NOSTRIN: variants seen among roughly 807,000 people sequenced by gnomAD.
NOSTRIN encodes the protein nitric oxide synthase trafficking.
Under a neutral mutation model 59.0 loss-of-function variants are expected in NOSTRIN, and 63 were observed. The observed-to-expected ratio is 1.07, with a 90% CI of 0.87 to 1.32. The LOEUF is 1.32. Among genes scored for constraint, NOSTRIN ranks in the 40% most tolerant of loss-of-function variants. The pLI is 0.00. For missense variants in NOSTRIN, 512 were observed against 473.1 expected (o/e 1.08, Z -0.76); for synonymous variants, 200 against 165.4 (o/e 1.21, Z -1.61).
In NOSTRIN at chr2:168,860,808, G is replaced by A; in HGVS notation, c.1193G>A (p.Ser398Asn). The change falls in exon 14 of 16, where the codon AGC becomes AAC. Residue 398 changes from serine (S) to asparagine (N), a missense_variant. Transcript: ENST00000317647. ...FRWREKEHTH[S>N]YVKISRPFLM... ...TCATTTGAACAGGAGCATACTCATA[G>A]CTATGTGAAAATATCTCGGCCTTTT... The A allele has an allele frequency of 6.2e-7, 1 of 1,607,284 alleles. No homozygotes were observed. Among genetic ancestry groups the A allele is most frequent in the Non-Finnish European group, 8.5e-7 (1 of 1,173,804 alleles).
At chr2:168,809,349 C>T (rs1382599630) in intron 1 of NOSTRIN, among the ~76,000 whole-genome samples, 1 of 152,158 alleles carries the variant, frequency 6.6e-6, no homozygotes, top group Non-Finnish European at 1.5e-5. Context: ...TCATACAAAA[C>T]CTTCCCTCAC....
intron 3 of NOSTRIN, among the ~76,000 whole-genome samples, chr2:168,825,829 A>G (rs1258724269): frequency 1.3e-5 from 2 of 152,238 alleles, no homozygotes; most frequent in African/African-American, 4.8e-5. Context: ...GAAAGGAAAA[A>G]AAGAAGGCTT....
chr2:168,823,262 C>G (rs995878959), intron 2 of NOSTRIN, among the ~76,000 whole-genome samples: 7 of 152,024 alleles, frequency 4.6e-5, no homozygotes, highest in Non-Finnish European at 1.0e-4. Context: ...GTGATCCGCC[C>G]ACCTCGGCCT....
At chr2:168,844,393 T>A (rs74271848) in intron 8 of NOSTRIN, among the ~76,000 whole-genome samples, 29 of 151,206 alleles carry the variant, frequency 1.9e-4, no homozygotes, top group Admixed American at 2.6e-4. Context: ...GTTTTAAGTT[T>A]AAAAAAAAAA....
chr2:168,788,976 C>T (rs1685276239), intron 2 of NOSTRIN, among the ~76,000 whole-genome samples: 1 of 152,116 alleles, frequency 6.6e-6, no homozygotes, highest in Non-Finnish European at 1.5e-5. Flanking sequence ...AGCCTAGAGT[C>T]AATGCCTCCT....
At chr2:168,844,608 C>T (rs545153404) in intron 8 of NOSTRIN, among the ~76,000 whole-genome samples, 8 of 152,184 alleles carry the variant, frequency 5.3e-5, no homozygotes, top group Non-Finnish European at 7.4e-5. Context: ...CTGGGCGGCA[C>T]GCCTGTAATC....
In NOSTRIN at chr2:168,865,302, T is replaced by C. The variant is rs898627652; in HGVS notation, c.*332T>C. ...AGCTGCTTGCCTGAAGTCAGAGTTA[T>C]CTGGTAGACAACAGCAGTGGGACTT... On this transcript the variant is annotated 3_prime_UTR_variant, in exon 16 of 16. Transcript: ENST00000317647. 3 of 212,800 alleles carry C rather than the reference T, an allele frequency of 1.4e-5. No homozygotes were observed. Among genetic ancestry groups the C allele is most frequent in the Admixed American group, 5.2e-5 (1 of 19,068 alleles). The allele number at this position is 212,800 out of a possible 1,614,324, so 13.2% of individuals were successfully genotyped here. A position where few individuals can be genotyped will look rare whatever the true frequency, so the allele number is the denominator to read the frequency against.
chr2:168,849,985 G>T lies in NOSTRIN; in HGVS notation c.631-1099G>T, dbSNP rs570828330. ...GGCTGGAGTGCAGTAGCATGATCTC[G>T]GCTCACTGCAAACTTCACCTCCTGG... On this transcript the variant is annotated intron_variant, in intron 8 of 15. Coordinates refer to ENST00000317647, the MANE Select transcript of NOSTRIN (RefSeq NM_001039724.4). Among the ~76,000 whole-genome samples the T allele has an allele frequency of 2.0e-5, 3 of 148,250 alleles. No homozygotes were observed. In the South Asian group the frequency reaches 6.4e-4, roughly 32 times the overall value.
upstream of NOSTRIN, among the ~76,000 whole-genome samples, chr2:168,797,023 T>C (rs1685495751): frequency 6.6e-6 from 1 of 151,658 alleles, no homozygotes; most frequent in South Asian, 2.1e-4. Context: ...CTGAGTACTG[T>C]GGGAGGCAGA....
At chr2:168,841,179 G>A (rs1688073153) in intron 7 of NOSTRIN, among the ~76,000 whole-genome samples, 2 of 142,332 alleles carry the variant, frequency 1.4e-5, no homozygotes, top group Non-Finnish European at 3.0e-5. Context: ...GTGAGCCAGT[G>A]AGCCATGATT....
chr2:168,835,807 G>A (rs915884586), intron 7 of NOSTRIN, among the ~76,000 whole-genome samples: 3 of 152,038 alleles, frequency 2.0e-5, no homozygotes, highest in African/African-American at 7.2e-5. Context: ...TATTAAATAA[G>A]AGTAAGCTTG....
At chr2:168,807,643 CGTTTGAG>C (rs1437149897) in intron 1 of NOSTRIN, among the ~76,000 whole-genome samples, 1 of 152,052 alleles carries the variant, frequency 6.6e-6, no homozygotes, top group East Asian at 1.9e-4. Context: ...GGCATACTGG[CGTTTGAG>C]GTTTGAGGGT....
intron 2 of NOSTRIN, among the ~76,000 whole-genome samples, chr2:168,791,662 T>C (rs1164139436): frequency 6.6e-6 from 1 of 152,194 alleles, no homozygotes; most frequent in Non-Finnish European, 1.5e-5. Context: ...TGTTGTTTCC[T>C]GACTTTTTAA....
intron 11 of NOSTRIN, chr2:168,855,843 T>C (rs1213790037): frequency 4.5e-6 from 2 of 445,118 alleles, no homozygotes; most frequent in East Asian, 7.0e-5. Flanking sequence ...CTTTTGACTT[T>C]TGAAACAATG....
chr2:168,814,595 A>C (rs1288900855), intron 2 of NOSTRIN, among the ~76,000 whole-genome samples: 1 of 152,260 alleles, frequency 6.6e-6, no homozygotes, highest in African/African-American at 2.4e-5. Flanking sequence ...TAAGACAAGT[A>C]AAATGGTAGT....
At chr2:168,831,188 G>T (rs1336698395) in intron 5 of NOSTRIN, among the ~76,000 whole-genome samples, 1 of 152,192 alleles carries the variant, frequency 6.6e-6, no homozygotes, top group Non-Finnish European at 1.5e-5. Context: ...GCTGTGTGAT[G>T]AGGGCCCACT....
exon 1 of NOSTRIN, chr2:168,786,551 C>T (rs754042093): frequency 6.6e-6 from 1 of 152,154 alleles, no homozygotes; most frequent in Non-Finnish European, 1.5e-5. Context: ...GCATGCAGCC[C>T]TTCCCAAGCA....
At chr2:168,836,146 A>G (rs1433988167) in intron 7 of NOSTRIN, among the ~76,000 whole-genome samples, 3 of 152,236 alleles carry the variant, frequency 2.0e-5, no homozygotes, top group African/African-American at 7.2e-5. Flanking sequence ...GTCAGTCTTC[A>G]CAGTTGGAAA....
At chr2:168,859,719 G>A in intron 13 of NOSTRIN, 82 bp downstream of exon 13, 2 of 1,513,096 alleles carry the variant, frequency 1.3e-6, no homozygotes, top group African/African-American at 1.4e-5. Context: ...GGGCAAAAAA[G>A]GTGTTAGGAA....
Sources: allele counts gnomAD v4.1 joint callset (sites outside exome capture counted in the v4.1 genomes callset), GRCh38; gene constraint gnomAD v4.1.1; transcripts MANE v1.5; gene names NCBI Gene and HGNC (gene_info 2026-07-23, HGNC 2026-07-21).